The following ABCB5 variants were observed in gnomAD, a reference collection of about 807,000 sequenced individuals.
The protein encoded by ABCB5 is ATP binding cassette subfamily B member 5.
A neutral mutation model predicts 144.2 loss-of-function variants in ABCB5; 155 were observed. The ratio of observed to expected loss-of-function variants is 1.08; its 90% CI spans 0.94 to 1.23. ABCB5 has a LOEUF of 1.23. Ranked by LOEUF, ABCB5 falls within the 50% of genes most tolerant of loss-of-function variation. ABCB5 has a pLI of 0.00. For synonymous variants in ABCB5, 610 were observed against 528.6 expected, an observed-to-expected ratio of 1.15 and a Z score of -2.11; for missense variants, 1,830 against 1,520.8, an observed-to-expected ratio of 1.20 and a Z score of -3.38.
intron 5 of ABCB5, among the ~76,000 whole-genome samples, chr7:20,642,687 G>T (rs1784320129): frequency 6.6e-6 from 1 of 151,998 alleles, no homozygotes; most frequent in Non-Finnish European, 1.5e-5. Context: ...ATAATATTTG[G>T]ATTGTTTTCA....
chr7:20,625,543 A>G (rs1783890867), intron 2 of ABCB5, among the ~76,000 whole-genome samples: 1 of 152,230 alleles, frequency 6.6e-6, no homozygotes, highest in East Asian at 1.9e-4. Flanking sequence ...TGTGTACCTA[A>G]TAGAACTCAT....
intron 16 of ABCB5, among the ~76,000 whole-genome samples, chr7:20,691,582 T>TTTTTTTTATTTATTTA (rs141375130): frequency 1.0e-4 from 15 of 146,888 alleles, no homozygotes; most frequent in East Asian, 4.0e-4. Context: ...TTAAATTCAT[T>TTTTTTTTATTTATTTA]TTTATTTATT....
chr7:20,667,552 A>C lies in ABCB5; in HGVS notation c.1707+8876A>C. 4 of 975,122 alleles carry C rather than the reference A, an allele frequency of 4.1e-6. No homozygotes were observed. In the South Asian group the frequency reaches 1.4e-4, roughly 35 times the overall value. The allele number at this position is 975,122 out of a possible 1,614,324, so 60.4% of individuals were successfully genotyped here. On this transcript the variant is annotated intron_variant, in intron 14 of 27. Transcript: ENST00000404938. ...TATATTTTCTAATTAAATTCCATAC[A>C]CATTAATTTGAGAACTGTTGGAGAG...
chr7:20,660,083 T>G, intron 14 of ABCB5: 1 of 985,350 alleles, frequency 1.0e-6, no homozygotes, highest in Non-Finnish European at 1.2e-6. Context: ...GGTAATCACT[T>G]TAGGTAATCA....
At chr7:20,643,710 G>A in intron 7 of ABCB5, 78 bp downstream of exon 7, 6 of 1,520,752 alleles carry the variant, frequency 3.9e-6, no homozygotes, top group Non-Finnish European at 5.4e-6. Flanking sequence ...GTTCAAAAAT[G>A]GCTTTTCTAT....
chr7:20,720,711 C>T (rs1191328600), intron 20 of ABCB5, among the ~76,000 whole-genome samples: 5 of 151,926 alleles, frequency 3.3e-5, no homozygotes, highest in African/African-American at 4.8e-5. Context: ...TTTGGGAGGC[C>T]GAGACGGGCG....
chr7:20,750,888 A>G (rs1396843233), intron 26 of ABCB5, among the ~76,000 whole-genome samples: 1 of 152,156 alleles, frequency 6.6e-6, no homozygotes, highest in Non-Finnish European at 1.5e-5. Context: ...ACAGAAGTGG[A>G]AGCAACACCG....
intron 26 of ABCB5, 28 bp downstream of exon 26, chr7:20,745,466 A>G: frequency 2.5e-6 from 4 of 1,610,764 alleles, no homozygotes; most frequent in Non-Finnish European, 2.5e-6. Flanking sequence ...ATCTTGAATT[A>G]TAAAGCTGCC....
At chr7:20,695,687 C>T (rs1786387662) in intron 16 of ABCB5, among the ~76,000 whole-genome samples, 1 of 151,760 alleles carries the variant, frequency 6.6e-6, no homozygotes, top group South Asian at 2.1e-4. Context: ...GACTTGTATC[C>T]AAAAAATATA....
intron 13 of ABCB5, among the ~76,000 whole-genome samples, chr7:20,656,107 C>T (rs1446151430): frequency 6.6e-6 from 1 of 152,118 alleles, no homozygotes; most frequent in South Asian, 2.1e-4. Context: ...TAAAATGTGA[C>T]CTTTACTTTA....
intron 15 of ABCB5, among the ~76,000 whole-genome samples, chr7:20,683,954 T>C (rs1785908758): frequency 1.2e-5 from 1 of 86,242 alleles, no homozygotes; most frequent in African/African-American, 4.7e-5. Flanking sequence ...TCACTACAAG[T>C]TGACTCTACC....
chr7:20,640,808 A>C (rs1318201898), intron 5 of ABCB5, among the ~76,000 whole-genome samples: 2 of 152,186 alleles, frequency 1.3e-5, no homozygotes, highest in African/African-American at 2.4e-5. Context: ...AATGAGCATC[A>C]ATTGTATTTT....
At chr7:20,629,785 G>GAGAAGA (rs35282965) in intron 4 of ABCB5, among the ~76,000 whole-genome samples, 19 of 151,614 alleles carry the variant, frequency 1.3e-4, no homozygotes, top group African/African-American at 4.1e-4. Context: ...GAAGGAGAAG[G>GAGAAGA]AGAAGAAGAA....
chr7:20,717,544 G>C (rs887575827), intron 20 of ABCB5, among the ~76,000 whole-genome samples: 1 of 151,090 alleles, frequency 6.6e-6, no homozygotes, highest in Non-Finnish European at 1.5e-5. Flanking sequence ...CCGGGTTCAA[G>C]CGATTCTCCT....
chr7:20,675,743 A>G (rs1261508433), intron 14 of ABCB5, among the ~76,000 whole-genome samples: 3 of 151,972 alleles, frequency 2.0e-5, no homozygotes, highest in Admixed American at 6.5e-5. Flanking sequence ...GGAAAAAAAA[A>G]TTGGAAACCA....
At chr7:20,653,982 A>G (rs1784686992) in intron 13 of ABCB5, among the ~76,000 whole-genome samples, 1 of 152,214 alleles carries the variant, frequency 6.6e-6, no homozygotes, top group South Asian at 2.1e-4. Flanking sequence ...CACACCTTAG[A>G]GTAAGATCTA....
rs1385686622 is a variant in ABCB5, at chr7:20,745,446, A to C, written c.3429+8A>C. The C allele has an allele frequency of 6.2e-7, 1 of 1,613,756 alleles. No homozygotes were observed. The highest frequency in any genetic ancestry group is 1.7e-5 in the Admixed American group (1 of 59,986). On this transcript the variant is annotated splice_region_variant and intron_variant, in intron 26 of 27. Transcript: ENST00000404938. ...ATTGAAGGTCTCCCTGAGGTAAGAA[A>C]ATTTCTGAAATCTTGAATTATAAAG...
chr7:20,634,990 G>C (rs183858367), intron 5 of ABCB5, among the ~76,000 whole-genome samples: 2 of 151,868 alleles, frequency 1.3e-5, no homozygotes, highest in Non-Finnish European at 2.9e-5. Context: ...GCCAATGTCC[G>C]GAAGAGTTTG....
intron 5 of ABCB5, among the ~76,000 whole-genome samples, chr7:20,642,686 G>A (rs367992932): frequency 2.0e-5 from 3 of 151,992 alleles, no homozygotes; most frequent in African/African-American, 7.2e-5. Context: ...TATAATATTT[G>A]GATTGTTTTC....
Sources: gnomAD v4.1 joint callset for allele counts (sites outside exome capture counted in the v4.1 genomes callset) on GRCh38, gnomAD v4.1.1 for gene constraint, MANE v1.5 for transcripts, NCBI Gene and HGNC (gene_info 2026-07-23, HGNC 2026-07-21) for gene names.